Variants in CDH8 observed in about 807,000 individuals in gnomAD.
CDH8 encodes cadherin-8.
Under a neutral mutation model 68.1 loss-of-function variants are expected in CDH8, and 17 were observed. That is an observed-to-expected ratio of 0.25 (90% CI 0.17 to 0.37). The LOEUF (loss-of-function observed/expected upper bound fraction) is 0.37. Among genes scored for constraint, CDH8 ranks in the 10% least tolerant of loss-of-function variants. The pLI is 1.00. For missense variants in CDH8, 763 were observed against 999.3 expected (o/e 0.76, Z 3.19); for synonymous variants, 372 against 365.1 (o/e 1.02, Z -0.21).
chr16:61,835,036 G>A (rs970060178), intron 4 of CDH8, among the ~76,000 whole-genome samples: 2 of 151,754 alleles, frequency 1.3e-5, no homozygotes, highest in Non-Finnish European at 2.9e-5. Flanking sequence ...AAATATCTCC[G>A]CAGAATGCTT....
At chr16:61,875,317 A>T (rs1346927663) in intron 3 of CDH8, among the ~76,000 whole-genome samples, 2 of 152,130 alleles carry the variant, frequency 1.3e-5, no homozygotes, top group African/African-American at 4.8e-5. Flanking sequence ...GAGCATTACA[A>T]TGACCCACTA....
intron 2 of CDH8, among the ~76,000 whole-genome samples, chr16:62,003,636 C>T (rs1965929233): frequency 6.6e-6 from 1 of 152,262 alleles, no homozygotes; most frequent in East Asian, 1.9e-4. Context: ...AGAAGTCAAC[C>T]TACTGTGTCT....
At chr16:61,735,928 C>A (rs1012306270) in intron 8 of CDH8, among the ~76,000 whole-genome samples, 2 of 151,836 alleles carry the variant, frequency 1.3e-5, no homozygotes, top group African/African-American at 2.4e-5. Context: ...CAAAAATTAG[C>A]TGGGCATGTT....
intron 4 of CDH8, among the ~76,000 whole-genome samples, chr16:61,847,918 C>T (rs1482991368): frequency 3.3e-5 from 5 of 151,870 alleles, no homozygotes; most frequent in African/African-American, 1.2e-4. Flanking sequence ...AACACACACA[C>T]ACACACTTTT....
At chr16:61,712,843 T>C (rs576803365) in intron 10 of CDH8, among the ~76,000 whole-genome samples, 5 of 151,676 alleles carry the variant, frequency 3.3e-5, no homozygotes, top group Admixed American at 6.6e-5. Context: ...GGCAAGGCCA[T>C]AATATATTTA....
At chr16:61,958,500 C>G (rs1965023594) in intron 2 of CDH8, among the ~76,000 whole-genome samples, 1 of 152,084 alleles carries the variant, frequency 6.6e-6, no homozygotes, top group South Asian at 2.1e-4. Context: ...TTTGTCAAAG[C>G]CTTTTGTATA....
chr16:61,869,345 G>A (rs1292182108), intron 3 of CDH8, among the ~76,000 whole-genome samples: 1 of 152,158 alleles, frequency 6.6e-6, no homozygotes, highest in East Asian at 1.9e-4. Context: ...GGAGTGGTGG[G>A]TGTGCAGAGA....
intron 2 of CDH8, among the ~76,000 whole-genome samples, chr16:61,931,828 AAC>A (rs1305046932): frequency 6.6e-6 from 1 of 152,248 alleles, no homozygotes; most frequent in African/African-American, 2.4e-5. Flanking sequence ...CTGAAAACAT[AAC>A]ACAAACATGT....
At chr16:61,930,270 A>AACACACACACACACACAC (rs369686237) in intron 2 of CDH8, among the ~76,000 whole-genome samples, 1 of 144,260 alleles carries the variant, frequency 6.9e-6, no homozygotes, top group Non-Finnish European at 1.5e-5. Flanking sequence ...AAAGTTAGAA[A>AACACACACACACACACAC]ACACACACAC....
chr16:62,034,309 G>T (rs1902400468), intron 1 of CDH8, among the ~76,000 whole-genome samples: 1 of 152,066 alleles, frequency 6.6e-6, no homozygotes, highest in Admixed American at 6.5e-5. Context: ...TGAACGACAG[G>T]GCTCACTTTG....
chr16:61,880,314 C>G (rs1963548578), intron 3 of CDH8, among the ~76,000 whole-genome samples: 1 of 152,166 alleles, frequency 6.6e-6, no homozygotes, highest in African/African-American at 2.4e-5. Flanking sequence ...TAGGCAACGT[C>G]AGTTGCATAT....
At chr16:61,747,493 A>G (rs983889636) in intron 8 of CDH8, among the ~76,000 whole-genome samples, 1 of 152,122 alleles carries the variant, frequency 6.6e-6, no homozygotes, top group Non-Finnish European at 1.5e-5. Flanking sequence ...CAGTATATCC[A>G]TCATGCAAAT....
At chr16:61,851,999 C>CA (rs1417603404) in intron 4 of CDH8, among the ~76,000 whole-genome samples, 1 of 152,054 alleles carries the variant, frequency 6.6e-6, no homozygotes, top group Non-Finnish European at 1.5e-5. Context: ...ACATGCAAGT[C>CA]AAACTCAGTT....
At chr16:61,662,763 A>G (rs1963594471) in intron 10 of CDH8, among the ~76,000 whole-genome samples, 1 of 151,926 alleles carries the variant, frequency 6.6e-6, no homozygotes, top group Non-Finnish European at 1.5e-5. Context: ...GGATGTACAT[A>G]GAGTATGTGT....
chr16:61,693,782 TAGG>T (rs924499322), intron 10 of CDH8: 1 of 152,146 alleles, frequency 6.6e-6, no homozygotes, highest in African/African-American at 2.4e-5. Flanking sequence ...TAAATGTTTC[TAGG>T]AGTTTTTCTG....
In CDH8 at chr16:61,926,746, T is replaced by C. The variant is rs148452846; in HGVS notation, c.253-25273A>G. Among the ~76,000 whole-genome samples the C allele has an allele frequency of 7.8e-3, 1,182 of 152,306 alleles. 16 individuals are homozygous for C. The highest frequency in any genetic ancestry group is 0.027 in the African/African-American group (1,123 of 41,560). The stretch of plus-strand genomic sequence containing the variant: ...TGTGAGTCTACATGAGTCTCTTTAA[T>C]AGTAACGGCAATTTTATGTAGACTC... On this transcript the variant is annotated intron_variant, in intron 2 of 11. Transcript: ENST00000577390.
Position 61,647,739 on chromosome 16 carries a change from G to T in CDH8, c.*5869C>A, listed in dbSNP as rs191106412. 4.3e-4 allele frequency: 297 copies of T among 694,020 alleles called. 1 individual carries two copies. The African/African-American group carries it at 4.7e-3, about 11-fold the overall frequency. The allele number at this position is 694,020 out of a possible 1,614,324, so 43.0% of individuals were successfully genotyped here. Reference sequence around the variant, plus strand: ...CCTGAAGTTCTTTGCATGTACAGAAGAAATCCCAAGAAATTAACATTTGGC... The same window carrying T: ...CCTGAAGTTCTTTGCATGTACAGAATAAATCCCAAGAAATTAACATTTGGC... On this transcript the variant is annotated 3_prime_UTR_variant, in exon 12 of 12. Transcript: ENST00000577390.
At chr16:61,924,727 G>A (rs1407757863) in intron 2 of CDH8, among the ~76,000 whole-genome samples, 1 of 151,618 alleles carries the variant, frequency 6.6e-6, no homozygotes, top group Non-Finnish European at 1.5e-5. Context: ...TCTTATCCAC[G>A]TAGTCATCTT....
At chr16:62,021,638 C>T (rs1403751815) in intron 1 of CDH8, 36 bp from the exon 2 acceptor site, 3 of 1,182,796 alleles carry the variant, frequency 2.5e-6, no homozygotes, top group Admixed American at 3.8e-5. Context: ...TAAGGGTCTA[C>T]TCAAACTGGT....
Sources: allele counts gnomAD v4.1 joint callset (sites outside exome capture counted in the v4.1 genomes callset), GRCh38; gene constraint gnomAD v4.1.1; transcripts MANE v1.5; gene names NCBI Gene and HGNC (gene_info 2026-07-23, HGNC 2026-07-21).